PDCD5: variants seen among roughly 807,000 people sequenced by gnomAD.
PDCD5 encodes the protein programmed cell death protein 5.
A neutral mutation model predicts 21.9 loss-of-function variants in PDCD5; 23 were observed. The ratio of observed to expected loss-of-function variants is 1.05; its 90% confidence interval spans 0.76 to 1.49. The LOEUF (loss-of-function observed/expected upper bound fraction) is 1.49, where lower values mean the gene tolerates loss of function less well. Ranked by LOEUF, PDCD5 falls within the 40% of genes most tolerant of loss-of-function variation. PDCD5 has a pLI of 0.00. For missense variants in PDCD5, 152 were observed against 147.7 expected (o/e 1.03, Z -0.15); for synonymous variants, 45 against 49.4 (o/e 0.91, Z 0.37).
At chr19:32,586,459 T>A in intron 4 of PDCD5, 1 of 1,107,662 alleles carries the variant, frequency 9.0e-7, no homozygotes, top group Non-Finnish European at 1.1e-6. Context: ...GTTGGGTTGA[T>A]CTTTTCCGAG....
At chr19:32,582,151 C>T in intron 1 of PDCD5, 44 bp from the exon 2 acceptor site, 2 of 1,465,306 alleles carry the variant, frequency 1.4e-6, no homozygotes, top group South Asian at 1.2e-5. Flanking sequence ...TTCCCGCCGC[C>T]TCCCGTGAAA....
chr19:32,585,368 A>G (rs982339825), intron 3 of PDCD5, among the ~76,000 whole-genome samples: 7 of 152,132 alleles, frequency 4.6e-5, no homozygotes, highest in African/African-American at 1.7e-4. Context: ...GTTTTAGTGT[A>G]TGTTCAGAGT....
At chr19:32,586,753 GCT>G (rs1354022580) in intron 4 of PDCD5, 103 bp from the exon 5 acceptor site, 1 of 1,447,784 alleles carries the variant, frequency 6.9e-7, no homozygotes, top group African/African-American at 1.5e-5. Flanking sequence ...TCCTTCCTGA[GCT>G]CTTTCCCCAC....
intron 1 of PDCD5, among the ~76,000 whole-genome samples, 188 bp from the exon 2 acceptor site, chr19:32,582,007 T>G (rs71351178): frequency 0.021 from 3,262 of 152,280 alleles, 41 homozygotes; most frequent in Middle Eastern, 0.037. Flanking sequence ...AGGTTGTGGT[T>G]TTAGACGTTC....
chr19:32,583,165 C>G (rs1307332074), intron 2 of PDCD5, among the ~76,000 whole-genome samples: 3 of 152,214 alleles, frequency 2.0e-5, no homozygotes, highest in Admixed American at 1.3e-4. Context: ...AGGTTTTCCC[C>G]TGCCTCCTGC....
chr19:32,585,049 GAGTT>G, intron 3 of PDCD5, 38 bp downstream of exon 3: 3 of 1,473,878 alleles, frequency 2.0e-6, no homozygotes, highest in South Asian at 1.1e-5. Flanking sequence ...AAGTTAGCTT[GAGTT>G]AGTTGAATGG....
Position 32,584,951 on chromosome 19 carries a change from G to A in PDCD5, c.106G>A (p.Glu36Lys), listed in dbSNP as rs139511423. ...DAAQQEAKHR[E>K]AEMRNSILAQ... is the part of the protein sequence containing the mutation. ...GTTTGACCTATGTTTTCGTTGTAGG[G>A]AAGCAGAAATGAGAAACAGTATCTT... The change falls in exon 3 of 6, where the codon GAA becomes AAA. Residue 36 changes from glutamate to lysine, a missense_variant and splice_region_variant. Physicochemically the swap from Glu to Lys is moderately conservative, Grantham distance 56. Transcript: ENST00000590247. The A allele has an allele frequency of 1.7e-5, 28 of 1,613,274 alleles. No individual in the cohort carries two copies. Among genetic ancestry groups the A allele is most frequent in the Non-Finnish European group, 2.3e-5 (27 of 1,179,282 alleles).
chr19:32,584,478 C>T (rs1971457832), intron 2 of PDCD5, among the ~76,000 whole-genome samples: 1 of 152,172 alleles, frequency 6.6e-6, no homozygotes, highest in African/African-American at 2.4e-5. Flanking sequence ...AAAAATAGAA[C>T]TGAGAGTCTT....
In PDCD5 at chr19:32,581,257, G is replaced by C; in HGVS notation, c.-5G>C. On this transcript the variant is annotated 5_prime_UTR_variant, in exon 1 of 6. Transcript: ENST00000590247. ...CCGCGGCTGCTCCAGCGCTGACGCC[G>C]AGCCATGGCGGACGAGGAGCTTGAG... 1 of 1,508,518 alleles carries C rather than the reference G, an allele frequency of 6.6e-7. No individual in the cohort carries two copies. The highest frequency in any genetic ancestry group is 1.4e-5 in the African/African-American group (1 of 69,862). 93.4% of individuals were successfully genotyped at this position (1,508,518 alleles called of 1,614,324 possible).
intron 5 of PDCD5, 55 bp downstream of exon 5, chr19:32,586,984 A>G (rs1226232280): frequency 7.4e-7 from 1 of 1,350,784 alleles, no homozygotes; most frequent in African/African-American, 1.5e-5. Flanking sequence ...TTAAAGATTA[A>G]TGTTGAGTAT....
chr19:32,584,114 G>A (rs1346245583), intron 2 of PDCD5, among the ~76,000 whole-genome samples: 1 of 152,010 alleles, frequency 6.6e-6, no homozygotes, highest in African/African-American at 2.4e-5. Context: ...TTACAGGCAT[G>A]AGCCACCATG....
rs976317938 is a variant in PDCD5, at chr19:32,581,425, C to G, written c.66+98C>G. 2.2e-5 allele frequency: 16 copies of G among 719,998 alleles called. No homozygotes were observed. The African/African-American group carries it at 3.0e-4, about 14-fold the overall frequency. 44.6% of individuals were successfully genotyped at this position (719,998 alleles called of 1,614,324 possible). ...CCGGGGCGGAGGCTCTGGGCGCCTC[C>G]CCGGGGCCCCGGTCCCCTGCGCTGC... On this transcript the variant is annotated intron_variant, in intron 1 of 5. Coordinates refer to ENST00000590247, the MANE Select transcript of PDCD5 (RefSeq NM_004708.4).
Position 32,585,834 on chromosome 19 carries a change from T to C in PDCD5, c.185T>C (p.Val62Ala). 2 of 1,602,024 alleles carry C rather than the reference T, an allele frequency of 1.2e-6. No homozygotes were observed. The highest frequency in any genetic ancestry group is 1.7e-6 in the Non-Finnish European group (2 of 1,169,110). The change falls in exon 4 of 6, where the codon GTA becomes GCA. Residue 62 changes from valine to alanine, a missense_variant. Coordinates refer to ENST00000590247, the MANE Select transcript of PDCD5 (RefSeq NM_004708.4). ...TTTTTAGTAAGTAACTTAGCACTTG[T>C]AAAGCCTGAAAAAACTAAAGCAGTA... ...ARARLSNLAL[V>A]KPEKTKAVEN...
chr19:32,586,624 A>T, intron 4 of PDCD5: 1 of 1,248,286 alleles, frequency 8.0e-7, no homozygotes, highest in Non-Finnish European at 1.0e-6. Context: ...TTTCCTGAGG[A>T]AGCAATTTTA....
intron 4 of PDCD5, chr19:32,586,636 G>A: frequency 7.9e-7 from 1 of 1,261,772 alleles, no homozygotes; most frequent in Non-Finnish European, 1.0e-6. Flanking sequence ...GCAATTTTAT[G>A]GATACTTCCC....
Position 32,581,215 on chromosome 19 carries a change from AG to A in PDCD5, c.-43del. ...AGTGGTCAAGGCCGCGCTCGCGCCG[AG>A]GGGCTGCGAGAGTGACCGCGGCTGC... On this transcript the variant is annotated 5_prime_UTR_variant, in exon 1 of 6. Transcript: ENST00000590247. 2 of 1,388,196 alleles carry A rather than the reference AG, an allele frequency of 1.4e-6. No individual in the cohort carries two copies. The highest frequency in any genetic ancestry group is 1.9e-6 in the Non-Finnish European group (2 of 1,045,578). The allele number at this position is 1,388,196 out of a possible 1,614,324, so 86.0% of individuals were successfully genotyped here.
chr19:32,583,100 TCTG>T (rs1219759737), intron 2 of PDCD5, among the ~76,000 whole-genome samples: 6 of 152,220 alleles, frequency 3.9e-5, no homozygotes, highest in Admixed American at 2.6e-4. Context: ...TACTTTTGAC[TCTG>T]CTATCACTTG....
At position 32,586,888 on chromosome 19, in the gene PDCD5, A is replaced by T. The variant is rs1043856377; in HGVS notation, c.289A>T (p.Lys97Ter). The T allele has an allele frequency of 1.9e-6, 3 of 1,612,050 alleles. No homozygotes were observed. The highest frequency in any genetic ancestry group is 2.5e-6 in the Non-Finnish European group (3 of 1,179,194). The change falls in exon 5 of 6, where the codon AAA becomes TAA. Residue 97 changes from lysine to a stop codon, truncating the protein, a stop_gained. Transcript: ENST00000590247. LOFTEE classifies it high-confidence loss of function. ...VSEQGLIEILKKVSQQTEKTT... is the reference protein window; with the variant it reads ...VSEQGLIEIL ...AGAACAAGGTTTAATAGAAATCCTT[A>T]AAAAAGTAAGCCAACAAACAGAAAA...
intron 5 of PDCD5, 89 bp from the exon 6 acceptor site, chr19:32,587,164 C>A: frequency 9.2e-7 from 1 of 1,090,662 alleles, no homozygotes; most frequent in Non-Finnish European, 1.4e-6. Flanking sequence ...ACACAAATGT[C>A]TTGCTAAAAT....
Sources: allele counts gnomAD v4.1 joint callset (sites outside exome capture counted in the v4.1 genomes callset), GRCh38; gene constraint gnomAD v4.1.1; transcripts MANE v1.5; gene names NCBI Gene and HGNC (gene_info 2026-07-23, HGNC 2026-07-21).